The following RALA variants were observed in gnomAD, a reference collection of about 807,000 sequenced individuals.
RALA encodes RAS like proto-oncogene A.
RALA carries 5 observed loss-of-function variants against 24.0 expected under a neutral mutation model. That is an observed-to-expected ratio of 0.21 (90% confidence interval 0.11 to 0.44). RALA has a LOEUF of 0.44. Among genes scored for constraint, RALA ranks in the 20% least tolerant of loss-of-function variants. RALA has a pLI of 0.99. For missense variants in RALA, 95 were observed against 241.2 expected, an observed-to-expected ratio of 0.39 and a Z score of 4.01; for synonymous variants, 77 against 83.8, an observed-to-expected ratio of 0.92 and a Z score of 0.44.
chr7:39,696,885 A>C, intron 4 of RALA, 26 bp downstream of exon 4: 1 of 1,586,618 alleles, frequency 6.3e-7, no homozygotes, highest in East Asian at 2.2e-5. Context: ...TTACTACTGC[A>C]TCATGTTAAA....
At chr7:39,705,289 G>A (rs1793098958) in intron 4 of RALA, among the ~76,000 whole-genome samples, 1 of 152,046 alleles carries the variant, frequency 6.6e-6, no homozygotes, top group Non-Finnish European at 1.5e-5. Flanking sequence ...ACTCATTGTC[G>A]CTTTCATATT....
chr7:39,681,091 A>G (rs868517483), intron 1 of RALA, among the ~76,000 whole-genome samples: 1 of 152,110 alleles, frequency 6.6e-6, no homozygotes, highest in Non-Finnish European at 1.5e-5. Flanking sequence ...CTTTGCTCCT[A>G]GAGTTCACTC....
chr7:39,627,875 A>G (rs1791521028), intron 1 of RALA, among the ~76,000 whole-genome samples: 1 of 152,290 alleles, frequency 6.6e-6, no homozygotes, highest in South Asian at 2.1e-4. Context: ...TTTTTTGCCC[A>G]TTAATAAAAT....
intron 1 of RALA, among the ~76,000 whole-genome samples, chr7:39,632,381 C>T (rs918819780): frequency 6.6e-6 from 1 of 152,166 alleles, no homozygotes; most frequent in East Asian, 1.9e-4. Flanking sequence ...GTAACAATGT[C>T]TTTAATAGAG....
At chr7:39,639,243 T>C (rs949494462) in intron 1 of RALA, among the ~76,000 whole-genome samples, 3 of 152,210 alleles carry the variant, frequency 2.0e-5, no homozygotes, top group Admixed American at 6.5e-5. Flanking sequence ...GAGCTTTACA[T>C]ACCTTTCAGA....
intron 1 of RALA, among the ~76,000 whole-genome samples, chr7:39,665,848 A>AT (rs77663025): frequency 8.0e-4 from 118 of 146,806 alleles, no homozygotes; most frequent in Middle Eastern, 3.5e-3. Context: ...TAGGATGTGA[A>AT]TTTTTTTTTT....
At chr7:39,661,341 A>G (rs1245651373) in intron 1 of RALA, among the ~76,000 whole-genome samples, 1 of 152,200 alleles carries the variant, frequency 6.6e-6, no homozygotes, top group Non-Finnish European at 1.5e-5. Flanking sequence ...TCAAAGTCTT[A>G]ACTCATTTCA....
At chr7:39,676,296 C>T (rs150128959) in intron 1 of RALA, among the ~76,000 whole-genome samples, 5 of 152,094 alleles carry the variant, frequency 3.3e-5, no homozygotes, top group Non-Finnish European at 7.4e-5. Flanking sequence ...TTTAATGCAC[C>T]GTTCAGATCA....
intron 1 of RALA, among the ~76,000 whole-genome samples, chr7:39,666,679 C>A (rs1264301451): frequency 6.6e-6 from 1 of 152,162 alleles, no homozygotes; most frequent in Non-Finnish European, 1.5e-5. Flanking sequence ...TTTATATTTT[C>A]TTTCTTTCTT....
intron 1 of RALA, among the ~76,000 whole-genome samples, chr7:39,647,583 G>C (rs973179448): frequency 3.9e-5 from 6 of 152,162 alleles, no homozygotes; most frequent in African/African-American, 1.2e-4. Context: ...GAATGTTTAT[G>C]TTCCCCCCAA....
Position 39,696,850 on chromosome 7 carries a change from T to C in RALA, c.489T>C (p.Asn163=). ...YVETSAKTRA[N]VDKVFFDLMR... ...AAACATCTGCTAAAACACGAGCTAA[T>C]GTTGACAAGGTAACACGTGACTCTT... The change falls in exon 4 of 5, where the codon AAT becomes AAC. Residue 163 remains asparagine, a synonymous_variant. Transcript: ENST00000005257. 1 of 1,611,750 alleles carries C rather than the reference T, an allele frequency of 6.2e-7. No homozygotes were observed. The highest frequency in any genetic ancestry group is 8.5e-7 in the Non-Finnish European group (1 of 1,179,320).
chr7:39,645,966 A>T lies in RALA; in HGVS notation c.-38+22141A>T, dbSNP rs143418976. On this transcript the variant is annotated intron_variant, in intron 1 of 4. Coordinates refer to ENST00000005257, the MANE Select transcript of RALA (RefSeq NM_005402.4). ...ATTTCAGGTCAGTGGGGAGTCATCA[A>T]AACAATTTAAGAAGCATTATAAGAT... Among the ~76,000 whole-genome samples the T allele has an allele frequency of 6.2e-4, 94 of 152,332 alleles. 1 individual carries two copies. In the Middle Eastern group the frequency reaches 0.01, roughly 17 times the overall value.
rs70996832 is a variant in RALA, at chr7:39,681,302, C to CTTTTTTTTTTTTTTT, written c.-37-5310_-37-5296dup. On this transcript the variant is annotated intron_variant, in intron 1 of 4. Coordinates refer to ENST00000005257, the MANE Select transcript of RALA (RefSeq NM_005402.4). ...TCCTCAACCCAAACCCACCCTATTC[C>CTTTTTTTTTTTTTTT]TTTTTTTTTTTTTTTTTTTTTTTTT... 1.2e-3 allele frequency among the ~76,000 whole-genome samples: 60 copies of CTTTTTTTTTTTTTTT among 50,044 alleles called. 9 individuals carry two copies. Among genetic ancestry groups the CTTTTTTTTTTTTTTT allele is most frequent in the Non-Finnish European group, 1.8e-3 (51 of 28,088 alleles). The allele number at this position is 50,044 out of a possible 152,430, so 32.8% of individuals were successfully genotyped here. A position where few individuals can be genotyped will look rare whatever the true frequency, so the allele number is the denominator to read the frequency against.
rs183194809 is a variant in RALA at position 39,692,651 on chromosome 7, G to A, written c.323+2061G>A. The stretch of plus-strand genomic sequence containing the variant: ...CATCTTCTCACCTCGGAACCCAGTA[G>A]GTCCAGGTTTTCTACAGCCGTGTTT... On this transcript the variant is annotated intron_variant, in intron 3 of 4. Transcript: ENST00000005257. 1.1e-3 allele frequency among the ~76,000 whole-genome samples: 163 copies of A among 152,260 alleles called. 1 individual carries two copies. The highest frequency in any genetic ancestry group is 3.9e-3 in the African/African-American group (160 of 41,538).
chr7:39,704,593 C>G (rs1793085403), intron 4 of RALA, among the ~76,000 whole-genome samples: 1 of 152,104 alleles, frequency 6.6e-6, no homozygotes, highest in South Asian at 2.1e-4. Context: ...ACTGGGACTA[C>G]AGGCATGAAC....
At chr7:39,653,981 T>G (rs1218288975) in intron 1 of RALA, among the ~76,000 whole-genome samples, 1 of 152,166 alleles carries the variant, frequency 6.6e-6, no homozygotes, top group African/African-American at 2.4e-5. Context: ...TCCCAATAAT[T>G]AATTTGATGA....
chr7:39,632,814 T>C (rs1485440794), intron 1 of RALA, among the ~76,000 whole-genome samples: 3 of 152,168 alleles, frequency 2.0e-5, no homozygotes, highest in African/African-American at 7.2e-5. Flanking sequence ...AGACCCCATC[T>C]CAATTTTTAA....
chr7:39,679,394 G>A (rs1441324354), intron 1 of RALA, among the ~76,000 whole-genome samples: 1 of 152,130 alleles, frequency 6.6e-6, no homozygotes, highest in Non-Finnish European at 1.5e-5. Flanking sequence ...AGGGGGCTCT[G>A]GTTTGCTGGC....
intron 1 of RALA, among the ~76,000 whole-genome samples, chr7:39,663,653 T>C (rs1383097269): frequency 2.6e-5 from 4 of 151,184 alleles, no homozygotes; most frequent in Admixed American, 6.6e-5. Context: ...AGAAAAAATA[T>C]ATGAAGCCTT....
Sources: gnomAD v4.1 joint callset for allele counts (sites outside exome capture counted in the v4.1 genomes callset) on GRCh38, gnomAD v4.1.1 for gene constraint, MANE v1.5 for transcripts, NCBI Gene and HGNC (gene_info 2026-07-23, HGNC 2026-07-21) for gene names.